Variants in SLC35D1 observed in about 807,000 individuals in gnomAD.
The protein encoded by SLC35D1 is nucleotide sugar transporter SLC35D1.
A neutral mutation model predicts 46.7 loss-of-function variants in SLC35D1; 31 were observed. That is an observed-to-expected ratio of 0.66 (90% CI 0.50 to 0.90). The LOEUF (loss-of-function observed/expected upper bound fraction) is 0.90. Among genes scored for constraint, SLC35D1 ranks in the 40% least tolerant of loss-of-function variants. SLC35D1 has a pLI of 0.00. For synonymous variants in SLC35D1, 195 were observed against 164.6 expected (o/e 1.18, Z -1.41); for missense variants, 397 against 426.2 (o/e 0.93, Z 0.60).
the SLC35D1 span, chr1:66,984,554 A>G: frequency 2.0e-5 from 30 of 1,530,560 alleles, no homozygotes; most frequent in East Asian, 2.0e-4. Flanking sequence ...GGTTTCATTT[A>G]TATTTCTTTC....
chr1:67,024,359 CT>C (rs1201768903), intron 8 of SLC35D1, among the ~76,000 whole-genome samples: 7 of 152,102 alleles, frequency 4.6e-5, no homozygotes, highest in Non-Finnish European at 8.8e-5. Context: ...TTAATGAAAC[CT>C]GGGTGTAACC....
At chr1:66,985,351 C>G in the SLC35D1 span, 1 of 985,320 alleles carries the variant, frequency 1.0e-6, no homozygotes, top group Non-Finnish European at 1.2e-6. Flanking sequence ...CTTGAAATGT[C>G]TTTAAAACAG....
chr1:66,986,101 A>G, the SLC35D1 span: 2 of 1,089,142 alleles, frequency 1.8e-6, no homozygotes, highest in Non-Finnish European at 2.2e-6. Context: ...ACAAGGAACA[A>G]CTGTTGGCAG....
rs1487751847 is a variant in SLC35D1 at position 67,002,291 on chromosome 1, A to G, written c.*2049T>C. The G allele has an allele frequency of 3.3e-5, 5 of 152,278 alleles. No homozygotes were observed. Among genetic ancestry groups the G allele is most frequent in the Non-Finnish European group, 7.4e-5 (5 of 68,024 alleles). 9.4% of individuals were successfully genotyped at this position (152,278 alleles called of 1,614,324 possible). On this transcript the variant is annotated 3_prime_UTR_variant, in exon 12 of 12. Coordinates refer to ENST00000235345, the MANE Select transcript of SLC35D1 (RefSeq NM_015139.3). ...ACAGGGTAAGCTGTCACTCTTCCTG[A>G]TTTGCAAAGTATGCTCCTCTCTGAC... is the stretch of plus-strand genomic sequence containing the variant.
At chr1:67,022,857 C>T (rs1206259317) in intron 8 of SLC35D1, among the ~76,000 whole-genome samples, 2 of 152,174 alleles carry the variant, frequency 1.3e-5, no homozygotes, top group African/African-American at 4.8e-5. Flanking sequence ...ATTTCTAGCC[C>T]CTGGCAACCT....
chr1:67,040,838 C>T (rs1668228194), intron 8 of SLC35D1, among the ~76,000 whole-genome samples: 1 of 152,214 alleles, frequency 6.6e-6, no homozygotes, highest in African/African-American at 2.4e-5. Context: ...ATTAATTCTT[C>T]CAACTTTCTC....
chr1:66,990,479 C>G, the SLC35D1 span, among the ~76,000 whole-genome samples: 1 of 152,024 alleles, frequency 6.6e-6, no homozygotes, highest in Non-Finnish European at 1.5e-5. Flanking sequence ...GTTGCCAGGG[C>G]TAGTCTCAAA....
At chr1:67,043,536 C>A (rs987423359) in intron 7 of SLC35D1, among the ~76,000 whole-genome samples, 3 of 152,104 alleles carry the variant, frequency 2.0e-5, no homozygotes, top group Non-Finnish European at 4.4e-5. Flanking sequence ...CAGAGCAAGA[C>A]CCTGGCTCAA....
rs1405690514 is a variant in SLC35D1 at position 67,053,967 on chromosome 1, G to A, written c.47C>T (p.Ala16Val). ...TCGGAGTGTGGAGGATTTCGCGGGG[G>A]CTTCTCCTTTAACCCGAGCATGCTG... ...RRQHARVKGE[A>V]PAKSSTLRDE... Residue 16 changes from alanine (A) to valine (V), a missense_variant, in exon 1 of 12, where the codon GCC (alanine) becomes GTC (valine). Physicochemically the swap from Ala to Val is moderately conservative, Grantham distance 64. Coordinates refer to ENST00000235345, the MANE Select transcript of SLC35D1 (RefSeq NM_015139.3). 2.5e-6 allele frequency: 4 copies of A among 1,613,428 alleles called. No individual in the cohort carries two copies. Among genetic ancestry groups the A allele is most frequent in the African/African-American group, 1.3e-5 (1 of 74,902 alleles).
the SLC35D1 span, chr1:66,973,002 A>G: frequency 2.0e-6 from 3 of 1,505,826 alleles, no homozygotes; most frequent in Non-Finnish European, 2.8e-6. Context: ...GTAAGTAATG[A>G]TAATCTCTTT....
At chr1:66,980,059 C>G in the SLC35D1 span, among the ~76,000 whole-genome samples, 1 of 152,180 alleles carries the variant, frequency 6.6e-6, no homozygotes, top group African/African-American at 2.4e-5. Flanking sequence ...CCACCACACC[C>G]GGCCTTGCTT....
chr1:66,975,824 G>A, the SLC35D1 span, among the ~76,000 whole-genome samples: 1 of 152,166 alleles, frequency 6.6e-6, no homozygotes, highest in African/African-American at 2.4e-5. Context: ...AGACTTTCTA[G>A]AGAGTAAATT....
chr1:66,974,433 T>TG, the SLC35D1 span, among the ~76,000 whole-genome samples: 9 of 151,682 alleles, frequency 5.9e-5, no homozygotes, highest in South Asian at 2.1e-4. Context: ...AGGTTTTTTT[T>TG]TTGTTGTTGT....
chr1:66,987,312 TACATTTCAGA>T, the SLC35D1 span: 1 of 152,738 alleles, frequency 6.5e-6, no homozygotes, highest in South Asian at 2.1e-4. Flanking sequence ...TAAGATTTAG[TACATTTCAGA>T]ACTTTTGAAC....
downstream of SLC35D1, among the ~76,000 whole-genome samples, chr1:66,997,381 T>C (rs1667249074): frequency 6.6e-6 from 1 of 151,314 alleles, no homozygotes; most frequent in African/African-American, 2.4e-5. Context: ...GGTATGCACC[T>C]CTACTCCGCT....
At chr1:66,982,031 AT>A in the SLC35D1 span, 1 of 988,686 alleles carries the variant, frequency 1.0e-6, no homozygotes, top group Non-Finnish European at 1.5e-6. Flanking sequence ...AAAGTAAAAA[AT>A]GATAACACAT....
the SLC35D1 span, among the ~76,000 whole-genome samples, chr1:66,993,670 T>A: frequency 1.3e-5 from 2 of 152,134 alleles, no homozygotes; most frequent in African/African-American, 4.8e-5. Context: ...CAAATACCAC[T>A]GTCCAACAAT....
the SLC35D1 span, among the ~76,000 whole-genome samples, chr1:66,981,482 CTTCCAG>C: frequency 6.6e-6 from 1 of 152,164 alleles, no homozygotes; most frequent in Non-Finnish European, 1.5e-5. Context: ...GTTAAGAGAT[CTTCCAG>C]TTCTAGTTGG....
chr1:66,979,952 C>A, the SLC35D1 span, among the ~76,000 whole-genome samples: 1 of 151,592 alleles, frequency 6.6e-6, no homozygotes, highest in Non-Finnish European at 1.5e-5. Context: ...TTAGTAGAGA[C>A]AGGGTTTCTC....
Sources: gnomAD v4.1 joint callset for allele counts (sites outside exome capture counted in the v4.1 genomes callset) on GRCh38, gnomAD v4.1.1 for gene constraint, MANE v1.5 for transcripts, NCBI Gene and HGNC (gene_info 2026-07-23, HGNC 2026-07-21) for gene names.